The following OPCML variants were observed in gnomAD, a reference collection of about 807,000 sequenced individuals.
OPCML encodes the protein opioid-binding protein/cell adhesion molecule.
OPCML carries 13 observed loss-of-function variants against 37.8 expected under a neutral mutation model. The observed-to-expected ratio is 0.34, with a 90% CI of 0.22 to 0.55. The LOEUF (loss-of-function observed/expected upper bound fraction) is 0.55. Among genes scored for constraint, OPCML ranks in the 20% least tolerant of loss-of-function variants. The pLI, the probability that OPCML is intolerant of heterozygous loss-of-function variation, is 0.91. For missense variants in OPCML, 341 were observed against 435.6 expected (o/e 0.78, Z 1.93); for synonymous variants, 176 against 168.8 (o/e 1.04, Z -0.33).
Position 132,630,755 on chromosome 11 carries a change from C to T in OPCML, c.379+26332G>A, listed in dbSNP as rs558749986. On this transcript the variant is annotated intron_variant, in intron 3 of 7. Coordinates refer to ENST00000524381, the MANE Select transcript of OPCML (RefSeq NM_001012393.5). ...TTCACCATCTATCTCTACCATGATT[C>T]GGCAATTATACTCCTTAGTATAAGA... Among the ~76,000 whole-genome samples, 17 of 152,170 alleles carry T rather than the reference C, an allele frequency of 1.1e-4. No individual in the cohort carries two copies. The South Asian group carries it at 2.5e-3, about 22-fold the overall frequency.
At chr11:132,987,652 G>A (rs1591883108) in intron 1 of OPCML, among the ~76,000 whole-genome samples, 1 of 152,170 alleles carries the variant, frequency 6.6e-6, no homozygotes, top group East Asian at 1.9e-4. Context: ...TGGAGACCAG[G>A]ATGGTGCTAG....
chr11:132,649,390 G>A lies in OPCML; in HGVS notation c.379+7697C>T, dbSNP rs191594708. ...TCAACGTCAATTATACTCTGGCTAC[G>A]CAAGGTGTCATATTCGTTAATATCT... is the stretch of plus-strand genomic sequence containing the variant. On this transcript the variant is annotated intron_variant, in intron 3 of 7. Coordinates refer to ENST00000524381, the MANE Select transcript of OPCML (RefSeq NM_001012393.5). 6.6e-5 allele frequency among the ~76,000 whole-genome samples: 10 copies of A among 152,212 alleles called. No homozygotes were observed. In the East Asian group the frequency reaches 7.7e-4, roughly 12 times the overall value.
intron 2 of OPCML, among the ~76,000 whole-genome samples, chr11:132,871,079 T>A (rs1413887393): frequency 6.6e-6 from 1 of 152,162 alleles, no homozygotes; most frequent in African/African-American, 2.4e-5. Context: ...AAATGATAAC[T>A]ACATGAGGTA....
intron 2 of OPCML, among the ~76,000 whole-genome samples, chr11:132,861,253 C>T (rs1399195154): frequency 1.3e-5 from 2 of 152,166 alleles, no homozygotes; most frequent in African/African-American, 4.8e-5. Context: ...ATAAAGACAA[C>T]TTTCTTTAGA....
chr11:133,467,976 C>G (rs895916742), intron 1 of OPCML, among the ~76,000 whole-genome samples: 5 of 152,154 alleles, frequency 3.3e-5, no homozygotes, highest in Admixed American at 3.3e-4. Flanking sequence ...CCTCTGGGAC[C>G]TTGGCAATTT....
chr11:133,439,172 C>G (rs1466913062), intron 1 of OPCML: 1 of 537,978 alleles, frequency 1.9e-6, no homozygotes, highest in Non-Finnish European at 2.4e-6. Context: ...GATTGGCACC[C>G]GAAGTGGGGC....
chr11:132,502,627 T>G (rs1250844793), intron 4 of OPCML, among the ~76,000 whole-genome samples: 2 of 152,220 alleles, frequency 1.3e-5, no homozygotes, highest in Non-Finnish European at 2.9e-5. Flanking sequence ...AAAGATGGTT[T>G]TAATTAGATA....
At chr11:132,861,728 A>C (rs987779505) in intron 2 of OPCML, among the ~76,000 whole-genome samples, 2 of 151,912 alleles carry the variant, frequency 1.3e-5, no homozygotes, top group Non-Finnish European at 2.9e-5. Context: ...CCAGCAACTC[A>C]GGAGGCTGAG....
At chr11:133,200,306 T>C (rs1938718351) in intron 1 of OPCML, among the ~76,000 whole-genome samples, 1 of 150,562 alleles carries the variant, frequency 6.6e-6, no homozygotes, top group African/African-American at 2.5e-5. Flanking sequence ...TCTCCCTTAG[T>C]AAGAGGAGAG....
intron 4 of OPCML, among the ~76,000 whole-genome samples, chr11:132,480,245 A>G (rs1263114195): frequency 6.6e-6 from 1 of 152,234 alleles, no homozygotes; most frequent in Non-Finnish European, 1.5e-5. Context: ...GAGCCGATGC[A>G]ATCAACTGGT....
chr11:133,060,158 T>TCCTCTCCCTCTCCCTCTC (rs553478664), intron 1 of OPCML, among the ~76,000 whole-genome samples: 24 of 151,190 alleles, frequency 1.6e-4, no homozygotes, highest in Non-Finnish European at 2.7e-4. Flanking sequence ...AATCTTATTC[T>TCCTCTCCCTCTCCCTCTC]CCTCTCCCTC....
intron 1 of OPCML, among the ~76,000 whole-genome samples, chr11:133,377,131 G>C (rs1486965262): frequency 6.6e-6 from 1 of 152,208 alleles, no homozygotes; most frequent in Admixed American, 6.5e-5. Context: ...ATCACAGCAG[G>C]GAGAGAATCC....
At chr11:133,031,496 T>G (rs1340865145) in intron 1 of OPCML, among the ~76,000 whole-genome samples, 1 of 148,540 alleles carries the variant, frequency 6.7e-6, no homozygotes, top group Non-Finnish European at 1.5e-5. Flanking sequence ...GATGGATGGA[T>G]GGTTGGTTGG....
chr11:132,824,959 G>T (rs1172292939), intron 2 of OPCML, among the ~76,000 whole-genome samples: 2 of 152,090 alleles, frequency 1.3e-5, no homozygotes, highest in African/African-American at 4.8e-5. Flanking sequence ...GATGCCTCCT[G>T]TCTTTAAAGT....
intron 1 of OPCML, among the ~76,000 whole-genome samples, chr11:133,488,099 A>G (rs1293182390): frequency 2.0e-5 from 3 of 152,222 alleles, no homozygotes; most frequent in African/African-American, 7.2e-5. Context: ...CAAAGTAGAC[A>G]TAGAAGGAAC....
At chr11:132,483,265 A>G (rs889180932) in intron 4 of OPCML, among the ~76,000 whole-genome samples, 26 of 150,398 alleles carry the variant, frequency 1.7e-4, no homozygotes, top group Non-Finnish European at 3.2e-4. Context: ...AAGCATTCCT[A>G]TACACCAACA....
intron 1 of OPCML, among the ~76,000 whole-genome samples, chr11:133,002,387 T>C (rs1947021026): frequency 6.6e-6 from 1 of 152,210 alleles, no homozygotes; most frequent in Non-Finnish European, 1.5e-5. Flanking sequence ...CAGGTGAGAA[T>C]GCCTTTTCAG....
intron 1 of OPCML, among the ~76,000 whole-genome samples, chr11:133,232,284 G>A (rs1443929281): frequency 6.6e-6 from 1 of 152,214 alleles, no homozygotes; most frequent in Non-Finnish European, 1.5e-5. Flanking sequence ...AAACCATACG[G>A]TGTGGTAGAG....
At chr11:132,484,163 A>G (rs1466666735) in intron 4 of OPCML, among the ~76,000 whole-genome samples, 1 of 152,122 alleles carries the variant, frequency 6.6e-6, no homozygotes, top group Non-Finnish European at 1.5e-5. Flanking sequence ...TTTGCAACCT[A>G]CTCATCTGAC....
Sources: gnomAD v4.1 joint callset for allele counts (sites outside exome capture counted in the v4.1 genomes callset) on GRCh38, gnomAD v4.1.1 for gene constraint, MANE v1.5 for transcripts, NCBI Gene and HGNC (gene_info 2026-07-23, HGNC 2026-07-21) for gene names.